The following ITPR2 variants were observed in gnomAD, a reference collection of about 807,000 sequenced individuals.
ITPR2 encodes the protein inositol 1,4,5-trisphosphate receptor type 2.
In ITPR2, 207 loss-of-function variants were observed where a neutral mutation model predicts 317.1. The observed-to-expected ratio is 0.65, with a 90% CI of 0.58 to 0.73. The LOEUF (loss-of-function observed/expected upper bound fraction) is 0.73, where lower values mean the gene tolerates loss of function less well. Among genes scored for constraint, ITPR2 ranks in the 30% least tolerant of loss-of-function variants. The probability of loss-of-function intolerance (pLI) is 0.00; values close to 1 mark genes in which losing one functional copy is unlikely to be tolerated. For missense variants in ITPR2, 2,613 were observed against 3,284.0 expected (o/e 0.80, Z 4.99); for synonymous variants, 1,156 against 1,149.1 (o/e 1.01, Z -0.12).
chr12:26,679,161 C>T (rs547996405), intron 13 of ITPR2, among the ~76,000 whole-genome samples: 8 of 152,258 alleles, frequency 5.3e-5, no homozygotes, highest in Admixed American at 1.3e-4. Flanking sequence ...TTTCTGCTTC[C>T]GGCCTTTATT....
intron 7 of ITPR2, 52 bp downstream of exon 7, chr12:26,715,700 G>A (rs1359403744): frequency 1.7e-6 from 2 of 1,199,938 alleles, no homozygotes; most frequent in African/African-American, 3.0e-5. Flanking sequence ...TAGAATTTCA[G>A]TAAGACTACC....
chr12:26,392,889 T>A lies in ITPR2; in HGVS notation c.7697-5295A>T, dbSNP rs1939890187. ...TTTTGTCACACCTGGTCTTTCGACA[T>A]CTCTTTCTTACTGGATCTTCAGCCT... is the stretch of plus-strand genomic sequence containing the variant. On this transcript the variant is annotated intron_variant, in intron 54 of 56. Coordinates refer to ENST00000381340, the MANE Select transcript of ITPR2 (RefSeq NM_002223.4). Among the ~76,000 whole-genome samples the A allele has an allele frequency of 2.0e-5, 3 of 152,212 alleles. No homozygotes were observed. In the South Asian group the frequency reaches 6.2e-4, roughly 32 times the overall value.
chr12:26,511,698 T>C (rs1263614831), intron 37 of ITPR2, among the ~76,000 whole-genome samples: 1 of 152,252 alleles, frequency 6.6e-6, no homozygotes, highest in African/African-American at 2.4e-5. Flanking sequence ...TATTCTGACC[T>C]CTGATGAATA....
At chr12:26,624,996 A>G (rs1946587764) in intron 23 of ITPR2, among the ~76,000 whole-genome samples, 1 of 152,172 alleles carries the variant, frequency 6.6e-6, no homozygotes, top group African/African-American at 2.4e-5. Context: ...ATGGAGTACT[A>G]TTCAGCCATT....
intron 28 of ITPR2, among the ~76,000 whole-genome samples, chr12:26,600,500 T>C (rs1454070353): frequency 6.6e-6 from 1 of 151,990 alleles, no homozygotes; most frequent in African/African-American, 2.4e-5. Flanking sequence ...CCTATCTTTC[T>C]CTGTTTCTCC....
chr12:26,549,855 T>TA (rs1410066719), intron 37 of ITPR2, among the ~76,000 whole-genome samples: 2 of 151,854 alleles, frequency 1.3e-5, no homozygotes, highest in African/African-American at 2.4e-5. Flanking sequence ...ATATTTATAA[T>TA]AAAAAAATCA....
rs771823673 is a variant in ITPR2, at chr12:26,556,279, G to A, written c.4918C>T (p.Pro1640Ser). 4 of 1,613,734 alleles carry A rather than the reference G, an allele frequency of 2.5e-6. No homozygotes were observed. The highest frequency in any genetic ancestry group is 3.4e-6 in the Non-Finnish European group (4 of 1,179,906). ...CTTATTCTTGCATCGCTTCCCTCAG[G>A]GAACAGCAGTTCTGGACTGTACAAT... ...DVLYSPELLF[P>S]EGSDARIRCG... Residue 1640 changes from proline to serine, a missense_variant, in exon 36 of 57, where the codon CCT becomes TCT. Physicochemically the swap from Pro to Ser is moderately conservative, Grantham distance 74. Coordinates refer to ENST00000381340, the MANE Select transcript of ITPR2 (RefSeq NM_002223.4).
chr12:26,790,010 T>C (rs1046253092), intron 2 of ITPR2, 147 bp downstream of exon 2: 2 of 668,934 alleles, frequency 3.0e-6, no homozygotes, highest in Admixed American at 2.5e-5. Context: ...AGAAAAACAA[T>C]GGAAAAATTG....
chr12:26,539,209 C>A (rs573356519), intron 37 of ITPR2, among the ~76,000 whole-genome samples: 2 of 152,178 alleles, frequency 1.3e-5, no homozygotes, highest in African/African-American at 4.8e-5. Flanking sequence ...ATTCCTTCTC[C>A]TCTCAACCGT....
At chr12:26,815,422 C>T (rs543261388) in intron 1 of ITPR2, among the ~76,000 whole-genome samples, 1 of 152,276 alleles carries the variant, frequency 6.6e-6, no homozygotes, top group South Asian at 2.1e-4. Flanking sequence ...AAAACAAACA[C>T]TTGTTTTTAA....
chr12:26,695,757 TAAAAAGATGCTAAGAAAGAAACTA>T, intron 9 of ITPR2, 107 bp from the exon 10 acceptor site: 4 of 707,858 alleles, frequency 5.7e-6, no homozygotes, highest in Non-Finnish European at 9.8e-6. Context: ...AAGTTTAATA[TAAAAAGATGCTAAGAAAGAAACTA>T]TTAGTAAATA....
intron 37 of ITPR2, among the ~76,000 whole-genome samples, chr12:26,532,307 T>C (rs1416842114): frequency 2.0e-5 from 3 of 152,218 alleles, no homozygotes; most frequent in Admixed American, 2.0e-4. Flanking sequence ...AATAGCAAAA[T>C]TGTGTATGTG....
intron 13 of ITPR2, among the ~76,000 whole-genome samples, chr12:26,672,766 T>C (rs917827511): frequency 9.9e-5 from 15 of 151,862 alleles, no homozygotes; most frequent in South Asian, 2.1e-4. Context: ...CAGGAGCTGG[T>C]TTTTTGAAAG....
intron 36 of ITPR2, among the ~76,000 whole-genome samples, 187 bp from the exon 37 acceptor site, chr12:26,550,542 T>C (rs557908771): frequency 5.3e-5 from 8 of 152,298 alleles, no homozygotes; most frequent in African/African-American, 1.4e-4. Flanking sequence ...CACATTATTT[T>C]TGTCTTACAA....
intron 9 of ITPR2, among the ~76,000 whole-genome samples, chr12:26,701,261 GT>G (rs1244294610): frequency 1.3e-5 from 2 of 152,100 alleles, no homozygotes; most frequent in East Asian, 1.9e-4. Context: ...CAGACCGTAA[GT>G]TTTTAAGTCC....
intron 13 of ITPR2, among the ~76,000 whole-genome samples, chr12:26,679,944 T>G (rs1054627598): frequency 1.4e-4 from 21 of 151,978 alleles, no homozygotes; most frequent in African/African-American, 5.1e-4. Context: ...AAATCAAATT[T>G]TAATATGCAA....
chr12:26,627,710 G>A (rs1034456013), intron 23 of ITPR2, among the ~76,000 whole-genome samples: 4 of 151,966 alleles, frequency 2.6e-5, no homozygotes, highest in African/African-American at 4.8e-5. Flanking sequence ...TTCATAAGTG[G>A]GAGTTCAACA....
chr12:26,793,980 G>C (rs550368124), intron 1 of ITPR2, among the ~76,000 whole-genome samples: 10 of 152,230 alleles, frequency 6.6e-5, no homozygotes, highest in Admixed American at 2.0e-4. Flanking sequence ...TAGTGAGTAA[G>C]CCAAACAGGC....
At chr12:26,391,277 C>T (rs1293436458) in intron 54 of ITPR2, among the ~76,000 whole-genome samples, 3 of 152,086 alleles carry the variant, frequency 2.0e-5, no homozygotes, top group African/African-American at 7.2e-5. Context: ...GTTAATATCC[C>T]TATTTAGCGG....
Sources: gnomAD v4.1 joint callset for allele counts (sites outside exome capture counted in the v4.1 genomes callset) on GRCh38, gnomAD v4.1.1 for gene constraint, MANE v1.5 for transcripts, NCBI Gene and HGNC (gene_info 2026-07-23, HGNC 2026-07-21) for gene names.